Variants in SAMSN1 observed in about 807,000 individuals in gnomAD.
SAMSN1 encodes SAM domain-containing protein SAMSN-1.
A neutral mutation model predicts 42.0 loss-of-function variants in SAMSN1; 31 were observed. That is an observed-to-expected ratio of 0.74 (90% confidence interval 0.55 to 1.00). SAMSN1 has a LOEUF of 1.00. SAMSN1 is among the 50% of genes least tolerant of loss of function. The pLI is 0.00. For missense variants in SAMSN1, 464 were observed against 439.4 expected (o/e 1.06, Z -0.50); for synonymous variants, 178 against 151.9 (o/e 1.17, Z -1.26).
intron 5 of SAMSN1, among the ~76,000 whole-genome samples, chr21:14,605,718 G>A (rs1042231645): frequency 1.3e-5 from 2 of 152,038 alleles, no homozygotes; most frequent in East Asian, 3.9e-4. Context: ...TTCAAATGGT[G>A]GACTAGAGTA....
chr21:14,494,683 G>T (rs544465500), intron 7 of SAMSN1, among the ~76,000 whole-genome samples: 2 of 149,694 alleles, frequency 1.3e-5, no homozygotes, highest in African/African-American at 4.9e-5. Context: ...TTCTGCACGT[G>T]TATCCCAGAA....
chr21:14,611,091 C>T (rs553165750), intron 4 of SAMSN1, among the ~76,000 whole-genome samples: 2 of 148,786 alleles, frequency 1.3e-5, no homozygotes, highest in Admixed American at 6.6e-5. Flanking sequence ...AGGATAGGCA[C>T]ATTTTTTTTT....
chr21:14,626,474 T>C (rs541279662), intron 2 of SAMSN1, among the ~76,000 whole-genome samples: 14 of 152,222 alleles, frequency 9.2e-5, no homozygotes, highest in Admixed American at 3.3e-4. Flanking sequence ...ACAAAGGATA[T>C]GAACAGACAC....
intron 2 of SAMSN1, among the ~76,000 whole-genome samples, chr21:14,570,298 A>G (rs186808742): frequency 3.3e-5 from 5 of 152,304 alleles, no homozygotes; most frequent in Admixed American, 3.3e-4. Flanking sequence ...GGCAATATGC[A>G]TTATCTATTC....
At chr21:14,503,226 A>G (rs1237223086) in intron 5 of SAMSN1, among the ~76,000 whole-genome samples, 1 of 152,162 alleles carries the variant, frequency 6.6e-6, no homozygotes, top group African/African-American at 2.4e-5. Flanking sequence ...CAAATCAGGT[A>G]GGATCCCTTA....
chr21:14,542,581 C>A (rs1980113558), intron 1 of SAMSN1, among the ~76,000 whole-genome samples: 1 of 152,118 alleles, frequency 6.6e-6, no homozygotes, highest in Non-Finnish European at 1.5e-5. Flanking sequence ...CTCATCAAAT[C>A]TGAATATTGT....
At chr21:14,631,100 GACA>G (rs1490101648) in intron 2 of SAMSN1, among the ~76,000 whole-genome samples, 3 of 152,156 alleles carry the variant, frequency 2.0e-5, no homozygotes, top group South Asian at 4.1e-4. Flanking sequence ...ACTGTGCAGT[GACA>G]ACATCTTAAA....
At chr21:14,523,691 T>C (rs2822725) in intron 1 of SAMSN1, among the ~76,000 whole-genome samples, 42,653 of 152,084 alleles carry the variant, frequency 0.28, 6,727 homozygotes, top group Non-Finnish European at 0.35. Flanking sequence ...TTGTAGCCTA[T>C]ATATAGCCTG....
At chr21:14,582,413 G>C (rs1348451564) in exon 2 of SAMSN1, 3 of 1,548,226 alleles carry the variant, frequency 1.9e-6, no homozygotes, top group Non-Finnish European at 2.6e-6. Context: ...CTTCCTCCTC[G>C]TGCTAACACT....
chr21:14,493,992 C>G (rs557377859), intron 7 of SAMSN1, among the ~76,000 whole-genome samples: 2 of 152,248 alleles, frequency 1.3e-5, no homozygotes, highest in Admixed American at 6.5e-5. Flanking sequence ...CTTTACTTCC[C>G]ACCAAGCAGT....
intron 1 of SAMSN1, among the ~76,000 whole-genome samples, chr21:14,528,618 A>G (rs1051976656): frequency 5.9e-5 from 9 of 152,332 alleles, no homozygotes; most frequent in Admixed American, 2.6e-4. Flanking sequence ...GTAACACACC[A>G]CAAATGCACA....
At chr21:14,548,120 A>C (rs1408525759), upstream of SAMSN1, among the ~76,000 whole-genome samples, 3 of 152,156 alleles carry the variant, frequency 2.0e-5, no homozygotes, top group Non-Finnish European at 2.9e-5. Flanking sequence ...ATACGTTTTT[A>C]AGTGAACCAT....
At chr21:14,613,215 A>T (rs1046656935) in intron 3 of SAMSN1, among the ~76,000 whole-genome samples, 4 of 152,224 alleles carry the variant, frequency 2.6e-5, no homozygotes, top group African/African-American at 9.6e-5. Context: ...CTAGGGGGGA[A>T]GTGCTTTTGC....
intron 1 of SAMSN1, among the ~76,000 whole-genome samples, chr21:14,647,786 TTGTC>T (rs1238343926): frequency 1.5e-5 from 2 of 137,298 alleles, no homozygotes; most frequent in South Asian, 2.5e-4. Context: ...GGCTCTCTGT[TTGTC>T]TGTTGTTGGT....
At chr21:14,638,509 A>G (rs1460204181) in intron 2 of SAMSN1, among the ~76,000 whole-genome samples, 3 of 152,160 alleles carry the variant, frequency 2.0e-5, no homozygotes, top group African/African-American at 7.2e-5. Flanking sequence ...CACAGTTTCT[A>G]TTGCATTCTA....
intron 2 of SAMSN1, among the ~76,000 whole-genome samples, chr21:14,560,385 T>A (rs1461761036): frequency 2.0e-5 from 3 of 152,182 alleles, no homozygotes; most frequent in African/African-American, 7.2e-5. Flanking sequence ...CTCCAAGCTG[T>A]CCTTGATCAT....
chr21:14,524,988 A>G (rs1978747445), intron 1 of SAMSN1, among the ~76,000 whole-genome samples: 1 of 152,226 alleles, frequency 6.6e-6, no homozygotes, highest in Non-Finnish European at 1.5e-5. Flanking sequence ...CAACTTAGAC[A>G]TTTAATCTGC....
chr21:14,580,007 A>G (rs1284840219), intron 2 of SAMSN1, among the ~76,000 whole-genome samples: 2 of 152,140 alleles, frequency 1.3e-5, no homozygotes, highest in Non-Finnish European at 2.9e-5. Flanking sequence ...TGTTTCATGG[A>G]TATGGAATGA....
Position 14,516,953 on chromosome 21 carries a change from A to T in SAMSN1, c.218T>A (p.Ile73Asn), listed in dbSNP as rs564142933. The change falls in exon 3 of 8, where the codon ATT becomes AAT. Residue 73 changes from isoleucine (I) to asparagine (N), a missense_variant. Ile to Asn is a moderately radical substitution (Grantham distance 149). Coordinates refer to ENST00000400566, the MANE Select transcript of SAMSN1 (RefSeq NM_022136.5). Reference protein sequence around the residue: ...GGGLGKKMRAISWTMKKKVGK... With the variant: ...GGGLGKKMRANSWTMKKKVGK... ...CACTTTTTTCTTCATTGTCCATGAA[A>T]TAGCTCTCATTTTTTTACCCAAACC... is the stretch of plus-strand genomic sequence containing the variant. 1 of 1,613,556 alleles carries T rather than the reference A, an allele frequency of 6.2e-7. No homozygotes were observed. Among genetic ancestry groups the T allele is most frequent in the East Asian group, 2.2e-5 (1 of 44,852 alleles).
Sources: gnomAD v4.1 joint callset for allele counts (sites outside exome capture counted in the v4.1 genomes callset) on GRCh38, gnomAD v4.1.1 for gene constraint, MANE v1.5 for transcripts, NCBI Gene and HGNC (gene_info 2026-07-23, HGNC 2026-07-21) for gene names.